MRPS27: variants seen among roughly 807,000 people sequenced by gnomAD.
MRPS27 encodes mitochondrial ribosomal protein S27, also known as small ribosomal subunit protein mS27.
MRPS27 carries 43 observed loss-of-function variants against 48.9 expected under a neutral mutation model. The ratio of observed to expected loss-of-function variants is 0.88; its 90% CI spans 0.69 to 1.13. The LOEUF (loss-of-function observed/expected upper bound fraction) is 1.13, where lower values mean the gene tolerates loss of function less well. Among genes scored for constraint, MRPS27 ranks in the 50% most tolerant of loss-of-function variants. The probability of loss-of-function intolerance (pLI) is 0.00; values close to 1 mark genes in which losing one functional copy is unlikely to be tolerated. For synonymous variants in MRPS27, 188 were observed against 171.9 expected, an observed-to-expected ratio of 1.09 and a Z score of -0.73; for missense variants, 467 against 476.3, an observed-to-expected ratio of 0.98 and a Z score of 0.18.
At chr5:72,306,183 C>T (rs1450748671) in intron 2 of MRPS27, among the ~76,000 whole-genome samples, 1 of 152,078 alleles carries the variant, frequency 6.6e-6, no homozygotes, top group East Asian at 1.9e-4. Context: ...GGTAAGTAAA[C>T]TGTTGATGAA....
intron 4 of MRPS27, among the ~76,000 whole-genome samples, chr5:72,275,048 G>A (rs1749338875): frequency 6.6e-6 from 1 of 152,122 alleles, no homozygotes; most frequent in Admixed American, 6.6e-5. Context: ...GCACGAGAAA[G>A]AAATAAAGGG....
At chr5:72,232,390 C>T (rs1748086510) in intron 7 of MRPS27, 53 bp downstream of exon 7, 1 of 1,342,338 alleles carries the variant, frequency 7.4e-7, no homozygotes. Flanking sequence ...GAGAGCAAGC[C>T]CCTGCTTGCC....
intron 2 of MRPS27, among the ~76,000 whole-genome samples, chr5:72,313,662 C>T (rs901318639): frequency 2.6e-5 from 4 of 152,142 alleles, no homozygotes; most frequent in Admixed American, 2.0e-4. Flanking sequence ...GTAACATTGC[C>T]TTCAAACCTG....
chr5:72,227,124 G>A (rs934164298), intron 8 of MRPS27: 9 of 152,244 alleles, frequency 5.9e-5, no homozygotes, highest in African/African-American at 1.4e-4. Flanking sequence ...GAGGCTGCAC[G>A]GCAAATGACA....
At chr5:72,246,844 T>G (rs752956778) in intron 4 of MRPS27, among the ~76,000 whole-genome samples, 2 of 150,308 alleles carry the variant, frequency 1.3e-5, no homozygotes, top group African/African-American at 2.5e-5. Context: ...ACCCCTCACT[T>G]TCATTATTCC....
intron 4 of MRPS27, among the ~76,000 whole-genome samples, chr5:72,259,538 T>C (rs566786686): frequency 6.6e-6 from 1 of 152,056 alleles, no homozygotes; most frequent in South Asian, 2.1e-4. Context: ...AAATCTTTTT[T>C]AAATTGCAAG....
intron 5 of MRPS27, among the ~76,000 whole-genome samples, chr5:72,237,707 A>G (rs1748235919): frequency 6.6e-6 from 1 of 152,138 alleles, no homozygotes; most frequent in Admixed American, 6.6e-5. Context: ...CTTCACCAGA[A>G]GGAAACAGGC....
At chr5:72,317,969 A>G (rs1580124816) in intron 1 of MRPS27, among the ~76,000 whole-genome samples, 1 of 152,246 alleles carries the variant, frequency 6.6e-6, no homozygotes, top group Non-Finnish European at 1.5e-5. Flanking sequence ...TTGGAAGAAG[A>G]ACAATTGTCT....
chr5:72,246,989 A>G (rs2111976140), intron 4 of MRPS27, among the ~76,000 whole-genome samples: 1 of 152,338 alleles, frequency 6.6e-6, no homozygotes, highest in East Asian at 1.9e-4. Flanking sequence ...AACTCAGTGT[A>G]AAACAGTTCT....
chr5:72,307,589 A>G (rs1259668137), intron 2 of MRPS27, among the ~76,000 whole-genome samples: 1 of 152,142 alleles, frequency 6.6e-6, no homozygotes, highest in African/African-American at 2.4e-5. Context: ...AATAAAGACT[A>G]AGAGCTGATA....
intron 4 of MRPS27, among the ~76,000 whole-genome samples, chr5:72,248,192 T>C (rs949154370): frequency 1.3e-5 from 2 of 152,194 alleles, no homozygotes; most frequent in Admixed American, 6.5e-5. Flanking sequence ...AACTGAATAT[T>C]TGAAATTATA....
At chr5:72,228,046 A>C (rs561291670) in intron 8 of MRPS27, 1 of 570,658 alleles carries the variant, frequency 1.8e-6, no homozygotes, top group South Asian at 2.4e-5. Context: ...TATCCACCAG[A>C]ACTAGTTCTT....
At position 72,259,261 on chromosome 5, in the gene MRPS27, G is replaced by A. The variant is rs574483272; in HGVS notation, c.282-21133C>T. On this transcript the variant is annotated intron_variant, in intron 4 of 10. Coordinates refer to ENST00000261413, the MANE Select transcript of MRPS27 (RefSeq NM_015084.3). The stretch of plus-strand genomic sequence containing the variant: ...AGGCAGGTGGATCACCTGAGGTTGG[G>A]AGTTTGAGACCAGCCTGACCAACAT... Among the ~76,000 whole-genome samples, 73 of 152,238 alleles carry A rather than the reference G, an allele frequency of 4.8e-4. 1 individual carries two copies. The South Asian group carries it at 7.7e-3, about 16-fold the overall frequency.
chr5:72,236,480 C>T (rs965678049), intron 5 of MRPS27, among the ~76,000 whole-genome samples: 4 of 152,122 alleles, frequency 2.6e-5, no homozygotes, highest in Non-Finnish European at 5.9e-5. Context: ...AGCAAAAATT[C>T]TAGACCCTCC....
rs148101076 is a variant in MRPS27 at position 72,232,989 on chromosome 5, CAT to C, written c.476-433_476-432del. Among the ~76,000 whole-genome samples the C allele has an allele frequency of 3.7e-3, 564 of 152,214 alleles. 1 individual carries two copies. Among genetic ancestry groups the C allele is most frequent in the African/African-American group, 0.013 (548 of 41,550 alleles). ...GAACAGCTAAGGCATAAAGGAGACA[CAT>C]ATATTCTCAAGGTCACCCTGACAGG... On this transcript the variant is annotated intron_variant, in intron 6 of 10. Transcript: ENST00000261413.
At chr5:72,229,984 C>A (rs1748010402) in intron 7 of MRPS27, among the ~76,000 whole-genome samples, 1 of 152,136 alleles carries the variant, frequency 6.6e-6, no homozygotes, top group Admixed American at 6.5e-5. Flanking sequence ...CTTATGGGAT[C>A]AAGGGATCCT....
intron 4 of MRPS27, among the ~76,000 whole-genome samples, chr5:72,252,181 C>T (rs1748684633): frequency 6.6e-6 from 1 of 152,190 alleles, no homozygotes; most frequent in Non-Finnish European, 1.5e-5. Context: ...TGAGCTGTTG[C>T]TATAGTGACC....
chr5:72,306,820 G>A (rs13177047), intron 2 of MRPS27, among the ~76,000 whole-genome samples: 42,386 of 152,062 alleles, frequency 0.28, 6,049 homozygotes, highest in East Asian at 0.42. Flanking sequence ...AATTAAGTTT[G>A]TTAAAAAGTA....
At chr5:72,312,713 C>T (rs764008113) in intron 2 of MRPS27, among the ~76,000 whole-genome samples, 2 of 151,488 alleles carry the variant, frequency 1.3e-5, no homozygotes, top group South Asian at 2.1e-4. Context: ...CTCTGCCTCC[C>T]GGGTTCAAGC....
Sources: gnomAD v4.1 joint callset for allele counts (sites outside exome capture counted in the v4.1 genomes callset) on GRCh38, gnomAD v4.1.1 for gene constraint, MANE v1.5 for transcripts, NCBI Gene and HGNC (gene_info 2026-07-23, HGNC 2026-07-21) for gene names.